Variants in IPCEF1 observed in about 807,000 individuals in gnomAD.
The protein encoded by IPCEF1 is interaction protein for cytohesin exchange factors 1.
In IPCEF1, 31 loss-of-function variants were observed where a neutral mutation model predicts 50.9. The observed-to-expected ratio is 0.61, with a 90% CI of 0.46 to 0.82. IPCEF1 has a LOEUF of 0.82. Among genes scored for constraint, IPCEF1 ranks in the 40% least tolerant of loss-of-function variants. The pLI is 0.00. For synonymous variants in IPCEF1, 181 were observed against 192.0 expected, an observed-to-expected ratio of 0.94 and a Z score of 0.47; for missense variants, 458 against 514.0, an observed-to-expected ratio of 0.89 and a Z score of 1.05.
Position 154,314,156 on chromosome 6 carries a change from T to A in IPCEF1, c.-61-24400A>T, listed in dbSNP as rs553043189. On this transcript the variant is annotated intron_variant, in intron 1 of 11. Coordinates refer to ENST00000367220, the MANE Select transcript of IPCEF1 (RefSeq NM_001130700.2). ...AATAATCATACCACTTACATTTTTGTACATTTATAATTATAGAGTGCTTTT... is the reference window on the plus strand; with the variant it reads ...AATAATCATACCACTTACATTTTTGAACATTTATAATTATAGAGTGCTTTT... 5.9e-5 allele frequency among the ~76,000 whole-genome samples: 9 copies of A among 152,356 alleles called. No homozygotes were observed. In the East Asian group the frequency reaches 1.7e-3, roughly 29 times the overall value.
chr6:154,335,019 A>C, intron 1 of IPCEF1, among the ~76,000 whole-genome samples: 1 of 152,088 alleles, frequency 6.6e-6, no homozygotes, highest in East Asian at 1.9e-4. Context: ...TAAAACCAAG[A>C]ATATAACCAC....
intron 3 of IPCEF1, among the ~76,000 whole-genome samples, chr6:154,265,489 C>T: frequency 6.6e-6 from 1 of 151,508 alleles, no homozygotes. Flanking sequence ...CCATGTTGGC[C>T]AGGCTGGTCT....
intron 1 of IPCEF1, among the ~76,000 whole-genome samples, chr6:154,354,001 A>G (rs6902002): frequency 0.8 from 121,454 of 152,198 alleles, 49,779 homozygotes; most frequent in African/African-American, 0.95. Flanking sequence ...GCATAAAGAA[A>G]AAAAGAGAAA....
intron 1 of IPCEF1, among the ~76,000 whole-genome samples, chr6:154,305,091 GCAA>G (rs1782896873): frequency 6.6e-6 from 1 of 150,794 alleles, no homozygotes; most frequent in East Asian, 1.9e-4. Context: ...TTCAGCCTGG[GCAA>G]CAAGAGCGAA....
chr6:154,160,052 GA>G lies in IPCEF1; in HGVS notation c.1105-13del, dbSNP rs774674336. 14 of 1,582,756 alleles carry G rather than the reference GA, an allele frequency of 8.8e-6. No individual in the cohort carries two copies. The highest frequency in any genetic ancestry group is 2.2e-5 in the East Asian group (1 of 44,542). ...TCATGTTCTTTACACTGTGTGAGTAGAAAAAAAGGGGAAGGGGGTATGTTGA... is the reference window on the plus strand; with the variant it reads ...TCATGTTCTTTACACTGTGTGAGTAGAAAAAAGGGGAAGGGGGTATGTTGA... On this transcript the variant is annotated splice_polypyrimidine_tract_variant and intron_variant, in intron 11 of 11. Coordinates refer to ENST00000367220, the MANE Select transcript of IPCEF1 (RefSeq NM_001130700.2).
At chr6:154,335,673 A>G (rs1191688100) in intron 1 of IPCEF1, among the ~76,000 whole-genome samples, 1 of 152,202 alleles carries the variant, frequency 6.6e-6, no homozygotes, top group Non-Finnish European at 1.5e-5. Context: ...CTCATCTCAA[A>G]AAAATAAATA....
chr6:154,227,691 TGG>T (rs767592022), intron 5 of IPCEF1, among the ~76,000 whole-genome samples: 54 of 152,182 alleles, frequency 3.5e-4, no homozygotes, highest in Non-Finnish European at 7.2e-4. Flanking sequence ...CACTCCAGCC[TGG>T]GTGACAGAGT....
chr6:154,288,345 T>G (rs986269410), intron 2 of IPCEF1, among the ~76,000 whole-genome samples: 1 of 152,200 alleles, frequency 6.6e-6, no homozygotes, highest in African/African-American at 2.4e-5. Context: ...ATCTATACAG[T>G]CACAGAAAGA....
chr6:154,268,688 A>G (rs1281532981), intron 2 of IPCEF1, among the ~76,000 whole-genome samples: 1 of 152,020 alleles, frequency 6.6e-6, no homozygotes, highest in Non-Finnish European at 1.5e-5. Context: ...CCATCTGACC[A>G]CGACCTCATC....
intron 2 of IPCEF1, among the ~76,000 whole-genome samples, chr6:154,286,952 G>A (rs1214135835): frequency 2.0e-5 from 3 of 152,206 alleles, no homozygotes; most frequent in African/African-American, 7.2e-5. Context: ...GGAGGTGACT[G>A]GATCACGGGG....
At chr6:154,241,986 A>G (rs1296887011) in intron 5 of IPCEF1, among the ~76,000 whole-genome samples, 1 of 152,136 alleles carries the variant, frequency 6.6e-6, no homozygotes, top group South Asian at 2.1e-4. Context: ...CAGTTCTGCT[A>G]TTTACTCCTT....
intron 10 of IPCEF1, among the ~76,000 whole-genome samples, chr6:154,175,652 A>G (rs946681815): frequency 3.3e-5 from 5 of 152,170 alleles, no homozygotes; most frequent in Non-Finnish European, 7.3e-5. Flanking sequence ...TAGACTAAAA[A>G]TAGCTTCTGA....
intron 5 of IPCEF1, among the ~76,000 whole-genome samples, chr6:154,243,580 C>G (rs913307467): frequency 1.3e-5 from 2 of 152,174 alleles, no homozygotes; most frequent in African/African-American, 4.8e-5. Context: ...CAAAGGGATT[C>G]AATGACAATG....
At chr6:154,354,461 T>TCTCCTCCACCACCACCTCCACCAC (rs1784176839) in intron 1 of IPCEF1, among the ~76,000 whole-genome samples, 2 of 144,176 alleles carry the variant, frequency 1.4e-5, no homozygotes, top group African/African-American at 2.5e-5. Flanking sequence ...ACCTCCACCA[T>TCTCCTCCACCACCACCTCCACCAC]CTCCTCCACA....
chr6:154,274,601 C>T (rs1378896020), intron 2 of IPCEF1, among the ~76,000 whole-genome samples: 4 of 152,232 alleles, frequency 2.6e-5, no homozygotes, highest in African/African-American at 9.6e-5. Flanking sequence ...CCATGCCCCT[C>T]TTGGAGGTAC....
intron 2 of IPCEF1, 49 bp from the exon 3 acceptor site, chr6:154,266,013 T>C: frequency 9.9e-7 from 1 of 1,011,992 alleles, no homozygotes; most frequent in Non-Finnish European, 1.5e-6. Flanking sequence ...AAAGTGTTCA[T>C]AAAAACATAT....
chr6:154,266,106 G>A, intron 2 of IPCEF1, 142 bp from the exon 3 acceptor site: 1 of 591,910 alleles, frequency 1.7e-6, no homozygotes, highest in East Asian at 3.1e-5. Flanking sequence ...TAGCCTTTCG[G>A]CCAGGCATGG....
chr6:154,203,329 T>G (rs6919006), intron 9 of IPCEF1, among the ~76,000 whole-genome samples: 15,365 of 152,218 alleles, frequency 0.1, 1,260 homozygotes, highest in African/African-American at 0.23. Flanking sequence ...GTGCTTTGCC[T>G]GGTGCTTCTG....
intron 5 of IPCEF1, among the ~76,000 whole-genome samples, chr6:154,242,092 G>T (rs1780645326): frequency 6.6e-6 from 1 of 152,180 alleles, no homozygotes; most frequent in South Asian, 2.1e-4. Flanking sequence ...GCTATTATGA[G>T]AATTCAATAT....
Sources: allele counts gnomAD v4.1 joint callset (sites outside exome capture counted in the v4.1 genomes callset), GRCh38; gene constraint gnomAD v4.1.1; transcripts MANE v1.5; gene names NCBI Gene and HGNC (gene_info 2026-07-23, HGNC 2026-07-21).